The following ACYP2 variants were observed in gnomAD, a reference collection of about 807,000 sequenced individuals.
ACYP2 encodes the protein acylphosphatase-2.
In ACYP2, 12 loss-of-function variants were observed where a neutral mutation model predicts 11.2. That is an observed-to-expected ratio of 1.08 (90% CI 0.69 to 1.74). The LOEUF (loss-of-function observed/expected upper bound fraction) is 1.74, where lower values mean the gene tolerates loss of function less well. ACYP2 is among the 40% of genes most tolerant of loss of function. The pLI, the probability that ACYP2 is intolerant of heterozygous loss-of-function variation, is 0.00. For missense variants in ACYP2, 134 were observed against 101.9 expected, an observed-to-expected ratio of 1.31 and a Z score of -1.35; for synonymous variants, 43 against 32.2, an observed-to-expected ratio of 1.33 and a Z score of -1.13.
intron 6 of ACYP2, among the ~76,000 whole-genome samples, chr2:54,218,729 C>G (rs1208578051): frequency 6.6e-6 from 1 of 152,122 alleles, no homozygotes; most frequent in Non-Finnish European, 1.5e-5. Context: ...CCCAGTTTTT[C>G]TGTCCTTAAC....
At chr2:54,190,870 A>T (rs560742871) in intron 6 of ACYP2, among the ~76,000 whole-genome samples, 2 of 152,176 alleles carry the variant, frequency 1.3e-5, no homozygotes, top group South Asian at 4.2e-4. Context: ...CTCATTCCTT[A>T]CCCAGTACTC....
intron 6 of ACYP2, among the ~76,000 whole-genome samples, chr2:54,286,588 G>T (rs998409585): frequency 5.3e-5 from 8 of 152,016 alleles, no homozygotes; most frequent in African/African-American, 1.7e-4. Flanking sequence ...ATATAAAATT[G>T]GTAGAAAAGA....
chr2:54,206,761 T>C (rs935854175), intron 6 of ACYP2, among the ~76,000 whole-genome samples: 3 of 152,088 alleles, frequency 2.0e-5, no homozygotes, highest in Non-Finnish European at 4.4e-5. Context: ...CTGTAGGGGG[T>C]GCAATCTGTT....
intron 6 of ACYP2, among the ~76,000 whole-genome samples, chr2:54,247,417 A>T (rs1687007559): frequency 6.6e-6 from 1 of 152,226 alleles, no homozygotes; most frequent in Admixed American, 6.5e-5. Flanking sequence ...GAATTAAAGC[A>T]GAAAGCTCAT....
chr2:53,973,788 C>T lies in ACYP2; in HGVS notation c.40C>T (p.Arg14Trp), dbSNP rs896374544. 14 of 342,098 alleles carry T rather than the reference C, an allele frequency of 4.1e-5. No individual in the cohort carries two copies. The highest frequency in any genetic ancestry group is 1.7e-4 in the African/African-American group (8 of 46,680). The allele number at this position is 342,098 out of a possible 1,614,324, so 21.2% of individuals were successfully genotyped here. A position where few individuals can be genotyped will look rare whatever the true frequency, so the allele number is the denominator to read the frequency against. ...AAGCCTGTTTGGTGGTCTCTTCCCA[C>T]GGACGCGCGAGACAATGAGGAGGTA... is the stretch of plus-strand genomic sequence containing the variant. Residue 14 changes from arginine to tryptophan, a missense_variant, in exon 2 of 7, where the codon CGG becomes TGG. Arg to Trp is a moderately radical substitution (Grantham distance 101, BLOSUM62 -3). Coordinates refer to ENST00000607452, the MANE Select transcript of ACYP2 (RefSeq NM_001320586.2).
chr2:54,097,851 CTTCT>C (rs529156501), intron 4 of ACYP2, among the ~76,000 whole-genome samples: 171 of 145,136 alleles, frequency 1.2e-3, no homozygotes, highest in African/African-American at 3.8e-3. Context: ...CTTTTATTTT[CTTCT>C]TTCTTTCTTT....
At chr2:54,300,003 C>T (rs773373268) in intron 6 of ACYP2, among the ~76,000 whole-genome samples, 1 of 152,196 alleles carries the variant, frequency 6.6e-6, no homozygotes, top group African/African-American at 2.4e-5. Flanking sequence ...TCTTCCTCCA[C>T]CCCACTTATT....
At chr2:54,137,310 C>G (rs1681305390) in intron 5 of ACYP2, among the ~76,000 whole-genome samples, 1 of 152,008 alleles carries the variant, frequency 6.6e-6, no homozygotes, top group Non-Finnish European at 1.5e-5. Context: ...TTCAGCGGTA[C>G]TCATATAGGT....
chr2:54,159,312 A>C (rs371700507), intron 6 of ACYP2, among the ~76,000 whole-genome samples: 4 of 151,724 alleles, frequency 2.6e-5, no homozygotes, highest in African/African-American at 9.7e-5. Flanking sequence ...CAGTTGCAGA[A>C]CTGGGCTTCA....
intron 6 of ACYP2, among the ~76,000 whole-genome samples, chr2:54,275,577 G>A (rs1454628987): frequency 2.0e-5 from 3 of 152,212 alleles, no homozygotes; most frequent in Non-Finnish European, 4.4e-5. Flanking sequence ...AAATCTTCTA[G>A]TGTTTTATTT....
intron 2 of ACYP2, among the ~76,000 whole-genome samples, chr2:53,988,725 C>G (rs1173122370): frequency 6.6e-6 from 1 of 151,328 alleles, no homozygotes; most frequent in Non-Finnish European, 1.5e-5. Flanking sequence ...CATGCCTGGC[C>G]CATAATTCAA....
intron 6 of ACYP2, among the ~76,000 whole-genome samples, chr2:54,179,576 A>G (rs932005886): frequency 6.6e-6 from 1 of 152,134 alleles, no homozygotes; most frequent in Non-Finnish European, 1.5e-5. Context: ...CAAGGGGTGG[A>G]TTATTCATGC....
At chr2:54,005,801 C>G (rs997846565) in intron 2 of ACYP2, among the ~76,000 whole-genome samples, 2 of 152,166 alleles carry the variant, frequency 1.3e-5, no homozygotes, top group African/African-American at 4.8e-5. Flanking sequence ...ATTGTGTTGG[C>G]TATCCTAGGT....
chr2:54,266,181 T>A (rs372433045), intron 6 of ACYP2, among the ~76,000 whole-genome samples: 1 of 152,188 alleles, frequency 6.6e-6, no homozygotes, highest in South Asian at 2.1e-4. Context: ...GAACTTATGG[T>A]CTGCAACTAA....
chr2:54,062,072 G>C (rs1676497440), intron 4 of ACYP2, among the ~76,000 whole-genome samples: 1 of 152,170 alleles, frequency 6.6e-6, no homozygotes, highest in Non-Finnish European at 1.5e-5. Flanking sequence ...GGAAAGTAAA[G>C]GAGATATTAC....
In ACYP2 at chr2:54,135,451, A is replaced by G; in HGVS notation, c.278-2A>G. On this transcript the variant is annotated splice_acceptor_variant, in intron 4 of 6. Transcript: ENST00000607452. LOFTEE classifies it high-confidence loss of function. ...AATTCTTTTTATCTTTCTTTTATAC[A>G]GGTGTTTGCTTCAGAATGGTAAGTC... 2 of 1,607,962 alleles carry G rather than the reference A, an allele frequency of 1.2e-6. No homozygotes were observed. The highest frequency in any genetic ancestry group is 1.7e-6 in the Non-Finnish European group (2 of 1,177,112).
At chr2:54,188,976 C>A (rs1422645065) in intron 6 of ACYP2, among the ~76,000 whole-genome samples, 1 of 152,216 alleles carries the variant, frequency 6.6e-6, no homozygotes, top group Non-Finnish European at 1.5e-5. Context: ...CACCTGTCAC[C>A]TCTCTCTTCT....
chr2:54,218,065 A>G (rs973162346), intron 6 of ACYP2, among the ~76,000 whole-genome samples: 36 of 152,066 alleles, frequency 2.4e-4, no homozygotes, highest in African/African-American at 8.7e-4. Flanking sequence ...TTCTACCCCC[A>G]TTCCCACAAC....
intron 6 of ACYP2, among the ~76,000 whole-genome samples, chr2:54,162,810 A>G (rs1261940941): frequency 6.6e-6 from 1 of 152,084 alleles, no homozygotes; most frequent in Non-Finnish European, 1.5e-5. Context: ...CAACAACAAC[A>G]AAAACAACAA....
Sources: allele counts gnomAD v4.1 joint callset (sites outside exome capture counted in the v4.1 genomes callset), GRCh38; gene constraint gnomAD v4.1.1; transcripts MANE v1.5; gene names NCBI Gene and HGNC (gene_info 2026-07-23, HGNC 2026-07-21).